Variants in NAV2 observed in about 807,000 individuals in gnomAD.
NAV2 encodes the protein neuron navigator 2.
Under a neutral mutation model 223.2 loss-of-function variants are expected in NAV2, and 54 were observed. The observed-to-expected ratio is 0.24, with a 90% CI of 0.19 to 0.30. NAV2 has a LOEUF of 0.30. Among genes scored for constraint, NAV2 ranks in the 10% least tolerant of loss-of-function variants. The probability of loss-of-function intolerance (pLI) is 1.00; values close to 1 mark genes in which losing one functional copy is unlikely to be tolerated. For synonymous variants in NAV2, 1,279 were observed against 1,239.3 expected (o/e 1.03, Z -0.67); for missense variants, 2,806 against 3,147.5 (o/e 0.89, Z 2.60).
intron 1 of NAV2, among the ~76,000 whole-genome samples, chr11:19,553,270 A>G (rs947118563): frequency 2.6e-5 from 4 of 152,206 alleles, no homozygotes; most frequent in African/African-American, 9.7e-5. Flanking sequence ...GAGATACAGG[A>G]GGTCAACAGC....
chr11:19,647,333 G>A (rs1234265792), intron 1 of NAV2, among the ~76,000 whole-genome samples: 4 of 152,096 alleles, frequency 2.6e-5, no homozygotes, highest in African/African-American at 9.7e-5. Context: ...ATCATACCTA[G>A]GGTTAAAGCT....
chr11:19,476,673 C>T (rs925642072), intron 1 of NAV2, among the ~76,000 whole-genome samples: 10 of 152,200 alleles, frequency 6.6e-5, no homozygotes, highest in African/African-American at 1.9e-4. Flanking sequence ...ACAAGTCAAT[C>T]GCTGTGTGCA....
At chr11:19,794,946 C>G (rs1408735258) in intron 1 of NAV2, among the ~76,000 whole-genome samples, 1 of 152,142 alleles carries the variant, frequency 6.6e-6, no homozygotes, top group East Asian at 1.9e-4. Context: ...GCAATAAAGA[C>G]AATCATCGAA....
At chr11:19,660,441 G>C (rs1236036899) in intron 1 of NAV2, among the ~76,000 whole-genome samples, 1 of 152,130 alleles carries the variant, frequency 6.6e-6, no homozygotes, top group East Asian at 1.9e-4. Flanking sequence ...CAGGCAACAA[G>C]AGATGGAGTC....
At chr11:19,443,766 T>A (rs1219480007) in intron 1 of NAV2, among the ~76,000 whole-genome samples, 1 of 152,182 alleles carries the variant, frequency 6.6e-6, no homozygotes, top group Non-Finnish European at 1.5e-5. Flanking sequence ...ATTCTTCACA[T>A]CTTCTAAAAT....
intron 1 of NAV2, among the ~76,000 whole-genome samples, chr11:19,389,059 G>A (rs981207666): frequency 2.0e-5 from 3 of 152,090 alleles, no homozygotes; most frequent in Admixed American, 6.6e-5. Context: ...TCCTCTCTCC[G>A]GCTATGCTTT....
chr11:19,961,618 AT>A (rs1401973033), intron 10 of NAV2, among the ~76,000 whole-genome samples: 1 of 152,180 alleles, frequency 6.6e-6, no homozygotes, highest in Non-Finnish European at 1.5e-5. Flanking sequence ...CTGACTTCAC[AT>A]TTCTTGATTG....
intron 1 of NAV2, among the ~76,000 whole-genome samples, chr11:19,826,665 G>A (rs571256315): frequency 1.3e-5 from 2 of 152,280 alleles, no homozygotes; most frequent in East Asian, 3.9e-4. Context: ...GGGACAGGGA[G>A]GGAAGGGAGA....
intron 1 of NAV2, among the ~76,000 whole-genome samples, chr11:19,444,376 C>T (rs1451721407): frequency 1.3e-5 from 2 of 152,222 alleles, no homozygotes. Flanking sequence ...CTCCATTCCT[C>T]AACCTTTCTT....
At chr11:19,445,163 G>A (rs2133736760) in intron 1 of NAV2, among the ~76,000 whole-genome samples, 1 of 152,300 alleles carries the variant, frequency 6.6e-6, no homozygotes, top group East Asian at 1.9e-4. Flanking sequence ...TGGTGCACAG[G>A]TGCAAAACAG....
intron 25 of NAV2, 39 bp from the exon 26 acceptor site, chr11:20,082,968 G>C: frequency 6.3e-7 from 1 of 1,579,012 alleles, no homozygotes; most frequent in Non-Finnish European, 8.6e-7. Flanking sequence ...CTAAGCATTG[G>C]TTGCCCCCGC....
chr11:19,993,365 A>T (rs2051532484), intron 11 of NAV2, among the ~76,000 whole-genome samples: 2 of 152,198 alleles, frequency 1.3e-5, no homozygotes, highest in Admixed American at 6.5e-5. Context: ...AACCACACAC[A>T]GTTTCTTAAA....
At chr11:19,544,999 C>A (rs933243851) in intron 1 of NAV2, among the ~76,000 whole-genome samples, 5 of 152,264 alleles carry the variant, frequency 3.3e-5, no homozygotes, top group East Asian at 3.9e-4. Flanking sequence ...CCACTCTCCA[C>A]CTCTCTACCC....
At chr11:19,678,157 C>T (rs1185368796) in intron 1 of NAV2, among the ~76,000 whole-genome samples, 2 of 152,108 alleles carry the variant, frequency 1.3e-5, no homozygotes, top group Admixed American at 6.5e-5. Flanking sequence ...ACTTGGAGAG[C>T]GCCCAAGATA....
chr11:20,008,787 G>A (rs1012450444), intron 11 of NAV2, among the ~76,000 whole-genome samples: 2 of 151,334 alleles, frequency 1.3e-5, no homozygotes, highest in Admixed American at 6.6e-5. Flanking sequence ...TTTGCACAGA[G>A]TGGTGTGTGT....
chr11:19,733,321 G>A (rs367800564), intron 1 of NAV2, among the ~76,000 whole-genome samples: 8 of 152,360 alleles, frequency 5.3e-5, no homozygotes, highest in African/African-American at 1.4e-4. Flanking sequence ...TGAGTAAGAT[G>A]AGATAGAGAA....
intron 1 of NAV2, among the ~76,000 whole-genome samples, chr11:19,594,020 C>T (rs1176031009): frequency 3.3e-5 from 5 of 152,078 alleles, no homozygotes; most frequent in Admixed American, 6.5e-5. Context: ...CTAGGATTAT[C>T]CCAATTTAAT....
intron 11 of NAV2, among the ~76,000 whole-genome samples, chr11:20,034,831 G>C (rs1012917270): frequency 2.0e-5 from 3 of 152,204 alleles, no homozygotes; most frequent in African/African-American, 2.4e-5. Context: ...CTTCAGCTGA[G>C]ATCTGAAAGA....
intron 1 of NAV2, among the ~76,000 whole-genome samples, chr11:19,386,153 A>T (rs1849035454): frequency 6.6e-6 from 1 of 152,228 alleles, no homozygotes; most frequent in Non-Finnish European, 1.5e-5. Context: ...GGCTTTGTTT[A>T]CTTGCCCCAA....
Sources: allele counts gnomAD v4.1 joint callset (sites outside exome capture counted in the v4.1 genomes callset), GRCh38; gene constraint gnomAD v4.1.1; transcripts MANE v1.5; gene names NCBI Gene and HGNC (gene_info 2026-07-23, HGNC 2026-07-21).